Variants in PARD3B observed in about 807,000 individuals in gnomAD.
The protein encoded by PARD3B is par-3 family cell polarity regulator beta.
In PARD3B, 103 loss-of-function variants were observed where a neutral mutation model predicts 130.2. That is an observed-to-expected ratio of 0.79 (90% CI 0.67 to 0.93). The LOEUF is 0.93. PARD3B is among the 40% of genes least tolerant of loss of function. The pLI is 0.00. For missense variants in PARD3B, 1,609 were observed against 1,499.2 expected (o/e 1.07, Z -1.21); for synonymous variants, 583 against 553.2 (o/e 1.05, Z -0.76).
chr2:204,599,874 T>C (rs1300782009), intron 1 of PARD3B, among the ~76,000 whole-genome samples: 1 of 151,908 alleles, frequency 6.6e-6, no homozygotes, highest in African/African-American at 2.4e-5. Flanking sequence ...TTTTTGATTA[T>C]AGCCATTCTA....
rs2042761064 is a variant in PARD3B, at chr2:205,321,784, C to T, written c.2630+20083C>T. On this transcript the variant is annotated intron_variant, in intron 18 of 22. Transcript: ENST00000406610. The surrounding 1 kb of genome is among the most constrained non-coding windows in gnomAD (Gnocchi z 4.2). Reference sequence around the variant, plus strand: ...GGTTTATCACTATCTAATCTAAAAACATAAATTAAGTCAGTGTTGACTCCT... The same window carrying T: ...GGTTTATCACTATCTAATCTAAAAATATAAATTAAGTCAGTGTTGACTCCT... Among the ~76,000 whole-genome samples, 1 of 152,138 alleles carries T rather than the reference C, an allele frequency of 6.6e-6. No individual in the cohort carries two copies. The highest frequency in any genetic ancestry group is 2.1e-4 in the South Asian group (1 of 4,824).
rs371015997 is a variant in PARD3B, at chr2:205,325,654, A to G, written c.2630+23953A>G. Among the ~76,000 whole-genome samples the G allele has an allele frequency of 1.1e-4, 16 of 152,114 alleles. No individual in the cohort carries two copies. The highest frequency in any genetic ancestry group is 3.9e-4 in the African/African-American group (16 of 41,522). ...GTGATCCTCCCACCTCAGCCTCCCA[A>G]ATAGCTGGGATTGCAAGTATGAGCC... On this transcript the variant is annotated intron_variant, in intron 18 of 22. Coordinates refer to ENST00000406610, the MANE Select transcript of PARD3B (RefSeq NM_001302769.2). This position sits in a 1 kb window ranked among gnomAD's most constrained non-coding sequence, Gnocchi z 4.1.
At chr2:204,792,113 G>A (rs954905221) in intron 2 of PARD3B, among the ~76,000 whole-genome samples, 23 of 152,152 alleles carry the variant, frequency 1.5e-4, no homozygotes, top group Non-Finnish European at 2.8e-4. Flanking sequence ...ACTTGATAAT[G>A]AAAGTCAGAA....
intron 19 of PARD3B, among the ~76,000 whole-genome samples, chr2:205,416,408 A>T (rs1349018041): frequency 1.3e-5 from 2 of 152,192 alleles, no homozygotes; most frequent in African/African-American, 4.8e-5. Context: ...CATGCTGTGT[A>T]TAAAAGGATA....
At chr2:205,124,176 A>G (rs1575859406) in intron 8 of PARD3B, 151 bp from the exon 9 acceptor site, 1 of 680,880 alleles carries the variant, frequency 1.5e-6, no homozygotes, top group East Asian at 3.2e-5. Context: ...CATTTGAAAC[A>G]CAAATAACTG....
At position 205,121,797 on chromosome 2, in the gene PARD3B, G is replaced by A; in HGVS notation, c.1013G>A (p.Ser338Asn). 1.2e-6 allele frequency: 2 copies of A among 1,614,144 alleles called. No individual in the cohort carries two copies. Among genetic ancestry groups the A allele is most frequent in the Non-Finnish European group, 1.7e-6 (2 of 1,180,036 alleles). Reference sequence around the variant, plus strand: ...ACAGCAAATCTCACAGGAACCGATAGTCCTGAAACAGATGCATCAGCTTCC... The same window carrying A: ...ACAGCAAATCTCACAGGAACCGATAATCCTGAAACAGATGCATCAGCTTCC... The part of the protein sequence containing the change: ...LKTANLTGTD[S>N]PETDASASLQ... The change falls in exon 8 of 23, where the codon AGT (serine) becomes AAT (asparagine). Residue 338 changes from serine (S) to asparagine (N), a missense_variant. By Grantham distance (46) the Ser-to-Asn change is conservative. Transcript: ENST00000406610. The surrounding 1 kb of genome is among the most constrained non-coding windows in gnomAD (Gnocchi z 5.0).
At chr2:205,384,967 A>G (rs1389459854) in intron 18 of PARD3B, among the ~76,000 whole-genome samples, 1 of 152,120 alleles carries the variant, frequency 6.6e-6, no homozygotes, top group Non-Finnish European at 1.5e-5. Context: ...CCTTAAGAGA[A>G]AATATTGAAC....
chr2:205,613,922 CTG>C (rs1396827999), intron 22 of PARD3B, among the ~76,000 whole-genome samples: 3 of 152,228 alleles, frequency 2.0e-5, no homozygotes, highest in Non-Finnish European at 4.4e-5. Context: ...ACCACAGACA[CTG>C]TATTCTCACA....
intron 2 of PARD3B, among the ~76,000 whole-genome samples, chr2:204,964,062 G>A (rs1007469708): frequency 6.6e-6 from 1 of 152,102 alleles, no homozygotes; most frequent in Non-Finnish European, 1.5e-5. Flanking sequence ...CCTATGACTG[G>A]GGCTCTGAGT....
At chr2:204,715,833 G>A (rs942523054) in intron 2 of PARD3B, among the ~76,000 whole-genome samples, 34 of 152,204 alleles carry the variant, frequency 2.2e-4, no homozygotes, top group Admixed American at 1.8e-3. Context: ...CCTTTGAGCT[G>A]CCATTCTACA....
At chr2:204,916,325 C>T (rs1413044601) in intron 2 of PARD3B, among the ~76,000 whole-genome samples, 3 of 152,100 alleles carry the variant, frequency 2.0e-5, no homozygotes, top group South Asian at 2.1e-4. Flanking sequence ...TTGTTTTGAA[C>T]TTTATAGGTC....
intron 1 of PARD3B, among the ~76,000 whole-genome samples, chr2:204,573,687 G>C (rs527871424): frequency 6.6e-6 from 1 of 152,130 alleles, no homozygotes; most frequent in South Asian, 2.1e-4. Context: ...GAGTGTCCCC[G>C]ATGCCCTTGG....
At chr2:204,845,983 C>T (rs1181085219) in intron 2 of PARD3B, among the ~76,000 whole-genome samples, 1 of 151,928 alleles carries the variant, frequency 6.6e-6, no homozygotes, top group African/African-American at 2.4e-5. Context: ...GAAAGAATAT[C>T]TGCAGATTGG....
chr2:205,567,048 C>G (rs2053365066), intron 22 of PARD3B, among the ~76,000 whole-genome samples: 1 of 152,174 alleles, frequency 6.6e-6, no homozygotes, highest in Admixed American at 6.5e-5. Context: ...GTTTTGATAT[C>G]TGTACTGAGC....
Position 205,616,108 on chromosome 2 carries a change from A to T in PARD3B, c.*295A>T. 2.7e-6 allele frequency: 1 copy of T among 375,438 alleles called. No homozygotes were observed. Among genetic ancestry groups the T allele is most frequent in the African/African-American group, 2.1e-5 (1 of 48,428 alleles). 23.3% of individuals were successfully genotyped at this position (375,438 alleles called of 1,614,324 possible). A position where few individuals can be genotyped will look rare whatever the true frequency, so the allele number is the denominator to read the frequency against. Reference sequence around the variant, plus strand: ...CAGTGAGAGTGGCAACGGAACACACAAACAACTAATTATGGAACTCTACTC... The same window carrying T: ...CAGTGAGAGTGGCAACGGAACACACTAACAACTAATTATGGAACTCTACTC... On this transcript the variant is annotated 3_prime_UTR_variant, in exon 23 of 23. Coordinates refer to ENST00000406610, the MANE Select transcript of PARD3B (RefSeq NM_001302769.2).
At chr2:205,501,259 G>A (rs1156694186) in intron 21 of PARD3B, among the ~76,000 whole-genome samples, 1 of 152,170 alleles carries the variant, frequency 6.6e-6, no homozygotes, top group African/African-American at 2.4e-5. Flanking sequence ...GTGCAGATGG[G>A]CGATCTCAAG....
intron 20 of PARD3B, among the ~76,000 whole-genome samples, chr2:205,450,069 C>T (rs773111001): frequency 6.6e-5 from 10 of 152,140 alleles, no homozygotes; most frequent in Non-Finnish European, 1.2e-4. Flanking sequence ...AAAATGAAGA[C>T]ATGAGTATAT....
chr2:205,182,070 A>G (rs2035820909), intron 13 of PARD3B, among the ~76,000 whole-genome samples: 1 of 152,256 alleles, frequency 6.6e-6, no homozygotes, highest in Non-Finnish European at 1.5e-5. Flanking sequence ...AGGCAGGCAG[A>G]TCACGAGGTC....
chr2:204,785,303 C>T (rs1402346089), intron 2 of PARD3B, among the ~76,000 whole-genome samples: 1 of 152,006 alleles, frequency 6.6e-6, no homozygotes, highest in Non-Finnish European at 1.5e-5. Flanking sequence ...GCATCTGTTC[C>T]CCGTGTAATC....
Sources: gnomAD v4.1 joint callset for allele counts (sites outside exome capture counted in the v4.1 genomes callset) on GRCh38, gnomAD v4.1.1 for gene constraint, Gnocchi (gnomAD v3.1) non-coding constraint, MANE v1.5 for transcripts, NCBI Gene and HGNC (gene_info 2026-07-23, HGNC 2026-07-21) for gene names.